The following MED13L variants were observed in gnomAD, a reference collection of about 807,000 sequenced individuals.
The protein encoded by MED13L is mediator complex subunit 13L, also known as mediator of RNA polymerase II transcription subunit 13-like.
In MED13L, 7 loss-of-function variants were observed where a neutral mutation model predicts 220.9. The ratio of observed to expected loss-of-function variants is 0.03; its 90% CI spans 0.02 to 0.06. The LOEUF (loss-of-function observed/expected upper bound fraction) is 0.06. MED13L is among the 10% of genes least tolerant of loss of function. The probability of loss-of-function intolerance (pLI) is 1.00; values close to 1 mark genes in which losing one functional copy is unlikely to be tolerated. For synonymous variants in MED13L, 1,011 were observed against 1,015.2 expected, an observed-to-expected ratio of 1.00 and a Z score of 0.08; for missense variants, 1,965 against 2,760.5, an observed-to-expected ratio of 0.71 and a Z score of 6.46.
chr12:116,200,961 A>G (rs1277981586), intron 2 of MED13L, among the ~76,000 whole-genome samples: 1 of 152,198 alleles, frequency 6.6e-6, no homozygotes, highest in African/African-American at 2.4e-5. Flanking sequence ...TACAGATCAG[A>G]TCTGGAGAGA....
chr12:115,983,023 A>G, intron 21 of MED13L, 94 bp downstream of exon 21: 2 of 1,366,946 alleles, frequency 1.5e-6, no homozygotes, highest in Non-Finnish European at 2.1e-6. Flanking sequence ...CATAGGATTC[A>G]CAGAATCATG....
intron 2 of MED13L, among the ~76,000 whole-genome samples, chr12:116,162,667 T>C (rs1878976275): frequency 6.6e-6 from 1 of 152,194 alleles, no homozygotes; most frequent in Non-Finnish European, 1.5e-5. Context: ...AACTATAAAA[T>C]TACTTCAGAA....
At chr12:116,001,440 G>A (rs748417790) in intron 14 of MED13L, among the ~76,000 whole-genome samples, 3 of 152,112 alleles carry the variant, frequency 2.0e-5, no homozygotes, top group Non-Finnish European at 4.4e-5. Flanking sequence ...CAAGTAATCT[G>A]CTCACCTTGG....
At chr12:116,190,774 T>C (rs1881220062) in intron 2 of MED13L, among the ~76,000 whole-genome samples, 1 of 152,106 alleles carries the variant, frequency 6.6e-6, no homozygotes, top group Non-Finnish European at 1.5e-5. Flanking sequence ...GACTTTCCTA[T>C]CCTGGGATGC....
At chr12:116,258,040 A>G (rs1407955290) in intron 1 of MED13L, among the ~76,000 whole-genome samples, 1 of 152,226 alleles carries the variant, frequency 6.6e-6, no homozygotes, top group African/African-American at 2.4e-5. Context: ...TTTCTACCTT[A>G]GCACTTGTAC....
intron 1 of MED13L, among the ~76,000 whole-genome samples, chr12:116,274,462 T>C (rs1211221531): frequency 7.2e-6 from 1 of 138,530 alleles, no homozygotes; most frequent in Admixed American, 7.1e-5. Context: ...AAGAAAAAAA[T>C]GCATGCTATT....
chr12:116,021,389 C>T (rs1312177527), intron 5 of MED13L, among the ~76,000 whole-genome samples: 1 of 152,042 alleles, frequency 6.6e-6, no homozygotes, highest in Non-Finnish European at 1.5e-5. Context: ...GTCCTCAGCA[C>T]TTTTACACTC....
In MED13L at chr12:116,277,215, GC is replaced by G. The variant is rs1565964456; in HGVS notation, c.-85del. 6 of 828,414 alleles carry G rather than the reference GC, an allele frequency of 7.2e-6. No individual in the cohort carries two copies. Among genetic ancestry groups the G allele is most frequent in the Admixed American group, 1.2e-4 (2 of 16,570 alleles). The allele number at this position is 828,414 out of a possible 1,614,324, so 51.3% of individuals were successfully genotyped here. A position where few individuals can be genotyped will look rare whatever the true frequency, so the allele number is the denominator to read the frequency against. On this transcript the variant is annotated 5_prime_UTR_variant, in exon 1 of 31. Coordinates refer to ENST00000281928, the MANE Select transcript of MED13L (RefSeq NM_015335.5). ...AGGCCGGGCCGGGCGGCGGCGCCTC[GC>G]CGGGGAGCGCGGGGCGGCCGGGCCG...
At chr12:116,084,394 A>T (rs1409154355) in intron 4 of MED13L, among the ~76,000 whole-genome samples, 1 of 152,204 alleles carries the variant, frequency 6.6e-6, no homozygotes, top group Non-Finnish European at 1.5e-5. Context: ...GGCTGCAGGT[A>T]AAGTTGCAAA....
At position 116,015,128 on chromosome 12, in the gene MED13L, G is replaced by A. The variant is rs778582638; in HGVS notation, c.1156C>T (p.Leu386Phe). 4 of 1,613,748 alleles carry A rather than the reference G, an allele frequency of 2.5e-6. No individual in the cohort carries two copies. The East Asian group carries it at 8.9e-5, about 36-fold the overall frequency. Residue 386 changes from leucine (L) to phenylalanine (F), a missense_variant, in exon 8 of 31, where the codon CTC becomes TTC. Physicochemically the swap from Leu to Phe is conservative, Grantham distance 22. Transcript: ENST00000281928. ...MVHRVWKECI[L>F]NRTQSKRSQM... ...ACTTACTTGGACTGGGTTCTGTTGAGGATGCATTCCTTCCAGACTCGATGG... is the reference window on the plus strand; with the variant it reads ...ACTTACTTGGACTGGGTTCTGTTGAAGATGCATTCCTTCCAGACTCGATGG...
At chr12:116,182,723 C>A (rs919345985) in intron 2 of MED13L, among the ~76,000 whole-genome samples, 1 of 152,080 alleles carries the variant, frequency 6.6e-6, no homozygotes, top group Non-Finnish European at 1.5e-5. Flanking sequence ...ACTTGGAGAC[C>A]CAAAGAACAC....
At chr12:116,034,219 G>T (rs1205215174) in intron 4 of MED13L, among the ~76,000 whole-genome samples, 1 of 151,892 alleles carries the variant, frequency 6.6e-6, no homozygotes, top group Non-Finnish European at 1.5e-5. Flanking sequence ...ATTTTGTGAG[G>T]ACAGGAATCA....
intron 25 of MED13L, among the ~76,000 whole-genome samples, chr12:115,974,661 A>ATT (rs1565987128): frequency 6.6e-6 from 1 of 152,242 alleles, no homozygotes; most frequent in African/African-American, 2.4e-5. Flanking sequence ...CAAGAACATC[A>ATT]GACAGTGGCA....
chr12:116,095,833 G>A (rs1872592194), intron 4 of MED13L, among the ~76,000 whole-genome samples: 2 of 152,086 alleles, frequency 1.3e-5, no homozygotes, highest in Admixed American at 6.5e-5. Context: ...TTCCGATTCT[G>A]GTGTGACTGA....
At chr12:116,245,799 C>G (rs1312354704) in intron 1 of MED13L, among the ~76,000 whole-genome samples, 1 of 151,884 alleles carries the variant, frequency 6.6e-6, no homozygotes, top group Non-Finnish European at 1.5e-5. Flanking sequence ...AGCTGAAATC[C>G]AAATACAAGA....
At chr12:116,275,794 G>T (rs943040402) in intron 1 of MED13L, among the ~76,000 whole-genome samples, 2 of 152,110 alleles carry the variant, frequency 1.3e-5, no homozygotes, top group Non-Finnish European at 2.9e-5. Context: ...TGTTTTTAAG[G>T]CTAAATTAAA....
chr12:116,269,209 C>T (rs1441691009), intron 1 of MED13L, among the ~76,000 whole-genome samples: 2 of 152,080 alleles, frequency 1.3e-5, no homozygotes, highest in African/African-American at 2.4e-5. Flanking sequence ...CAGGCACACA[C>T]CACCACGCCC....
intron 2 of MED13L, among the ~76,000 whole-genome samples, chr12:116,213,501 T>TC (rs1338037956): frequency 1.1e-4 from 16 of 152,142 alleles, no homozygotes; most frequent in Non-Finnish European, 2.9e-5. Context: ...AACCTCTGCC[T>TC]CCAGGTTCAA....
intron 2 of MED13L, among the ~76,000 whole-genome samples, chr12:116,144,668 T>G (rs911244345): frequency 1.3e-5 from 2 of 152,204 alleles, no homozygotes; most frequent in Non-Finnish European, 2.9e-5. Context: ...TTAACTGAGA[T>G]AACACGTAAA....
Sources: gnomAD v4.1 joint callset for allele counts (sites outside exome capture counted in the v4.1 genomes callset) on GRCh38, gnomAD v4.1.1 for gene constraint, MANE v1.5 for transcripts, NCBI Gene and HGNC (gene_info 2026-07-23, HGNC 2026-07-21) for gene names.